AHCYL1: variants seen among roughly 807,000 people sequenced by gnomAD.
The protein encoded by AHCYL1 is adenosylhomocysteinase like 1.
AHCYL1 carries 20 observed loss-of-function variants against 79.3 expected under a neutral mutation model. The observed-to-expected ratio is 0.25, with a 90% CI of 0.18 to 0.37. AHCYL1 has a LOEUF of 0.37. AHCYL1 is among the 10% of genes least tolerant of loss of function. The pLI is 1.00. For synonymous variants in AHCYL1, 223 were observed against 242.2 expected (o/e 0.92, Z 0.74); for missense variants, 330 against 673.6 (o/e 0.49, Z 5.65).
intron 1 of AHCYL1, among the ~76,000 whole-genome samples, chr1:109,993,683 A>G (rs1649880275): frequency 6.6e-6 from 1 of 152,234 alleles, no homozygotes; most frequent in African/African-American, 2.4e-5. Context: ...CAGGGAGAAG[A>G]CATCTGAATA....
intron 1 of AHCYL1, chr1:110,001,107 G>A (rs539021497): frequency 3.3e-6 from 1 of 301,036 alleles, no homozygotes; most frequent in African/African-American, 2.3e-5. Flanking sequence ...CAACAAAAAT[G>A]GTTTGTAAAA....
intron 1 of AHCYL1, among the ~76,000 whole-genome samples, chr1:110,007,057 A>G (rs1650699564): frequency 6.6e-6 from 1 of 152,078 alleles, no homozygotes; most frequent in Admixed American, 6.5e-5. Flanking sequence ...TATAAGGGGA[A>G]ATTATGACTA....
chr1:110,001,447 A>G (rs1268157504), intron 1 of AHCYL1, among the ~76,000 whole-genome samples: 2 of 152,108 alleles, frequency 1.3e-5, no homozygotes, highest in East Asian at 1.9e-4. Context: ...CGACCTCCCA[A>G]AGTGCTGGGA....
chr1:110,020,937 G>C (rs1651754505), intron 16 of AHCYL1, 86 bp downstream of exon 16: 7 of 1,514,026 alleles, frequency 4.6e-6, no homozygotes, highest in Admixed American at 2.3e-5. Context: ...AAGATCAAAT[G>C]TTGTACCTGA....
rs988750206 is a variant in AHCYL1, at chr1:110,011,216, G to A, written c.235G>A (p.Ala79Thr). 4 of 1,613,104 alleles carry A rather than the reference G, an allele frequency of 2.5e-6. No homozygotes were observed. In the African/African-American group the frequency reaches 5.3e-5, roughly 22 times the overall value. ...GTTTTTTTCTTTCCTGGCTCTAGCT[G>A]CATCCTACACAGATAGCTCTGATGA... is the stretch of plus-strand genomic sequence containing the variant. Reference protein sequence around the residue: ...QSSTDSYSSAASYTDSSDDEV... With the variant: ...QSSTDSYSSATSYTDSSDDEV... Residue 79 changes from alanine to threonine, a missense_variant and splice_region_variant, in exon 3 of 17, where the codon GCA (alanine) becomes ACA (threonine). This residue lies in a region of AHCYL1 where 97 missense variants were observed against 176.3 expected (regional missense o/e 0.55). Coordinates refer to ENST00000369799, the MANE Select transcript of AHCYL1 (RefSeq NM_006621.7).
intron 1 of AHCYL1, among the ~76,000 whole-genome samples, chr1:110,007,333 A>G (rs1650719616): frequency 6.6e-6 from 1 of 152,146 alleles, no homozygotes; most frequent in East Asian, 1.9e-4. Context: ...GGAGAGTGTT[A>G]AGAGGGGTTG....
intron 1 of AHCYL1, among the ~76,000 whole-genome samples, chr1:109,992,372 T>C (rs182457835): frequency 1.1e-3 from 160 of 143,470 alleles, no homozygotes; most frequent in African/African-American, 3.9e-3. Context: ...ATCGCACCAC[T>C]GTACTCCAGC....
At chr1:110,014,985 G>GCAA in intron 6 of AHCYL1, 128 bp downstream of exon 6, 1 of 837,224 alleles carries the variant, frequency 1.2e-6, no homozygotes, top group Non-Finnish European at 1.9e-6. Context: ...AAAGTGTTTA[G>GCAA]CTTGATACCT....
intron 1 of AHCYL1, among the ~76,000 whole-genome samples, chr1:109,989,352 G>A (rs1649635399): frequency 6.6e-6 from 1 of 152,056 alleles, no homozygotes; most frequent in Admixed American, 6.6e-5. Flanking sequence ...GATCCAGAGT[G>A]TTTTACCCAA....
At chr1:110,020,701 T>G (rs987845723) in intron 15 of AHCYL1, 30 bp from the exon 16 acceptor site, 1 of 1,563,866 alleles carries the variant, frequency 6.4e-7, no homozygotes, top group Non-Finnish European at 8.6e-7. Context: ...TGAAAAGGAG[T>G]CTGCTCTCCT....
chr1:110,018,713 G>C (rs1472196243), intron 13 of AHCYL1, 63 bp downstream of exon 13: 1 of 1,408,930 alleles, frequency 7.1e-7, no homozygotes. Context: ...TATGAGGGGG[G>C]AGGGGAGGGA....
At position 110,012,877 on chromosome 1, in the gene AHCYL1, C is replaced by T. The variant is rs763187850; in HGVS notation, c.478-20C>T. On this transcript the variant is annotated intron_variant, in intron 4 of 16. Coordinates refer to ENST00000369799, the MANE Select transcript of AHCYL1 (RefSeq NM_006621.7). ...GTGGCCCTTCTCTTCCTCACCCTGT[C>T]TTCCTACACTTCTACACAGGTGTTG... 3.8e-6 allele frequency: 6 copies of T among 1,593,414 alleles called. No individual in the cohort carries two copies. The highest frequency in any genetic ancestry group is 4.3e-6 in the Non-Finnish European group (5 of 1,170,688).
chr1:110,018,793 C>CA, intron 13 of AHCYL1, 143 bp downstream of exon 13: 2 of 870,008 alleles, frequency 2.3e-6, no homozygotes, highest in Non-Finnish European at 3.5e-6. Context: ...AATTGGTCCC[C>CA]AAAATAAAAC....
chr1:110,013,802 C>CTTTTTTT (rs151045613), intron 5 of AHCYL1, among the ~76,000 whole-genome samples: 1 of 142,170 alleles, frequency 7.0e-6, no homozygotes. Context: ...ATCTTTCTTT[C>CTTTTTTT]TTTTTTTTTT....
rs756700510 is a variant in AHCYL1, at chr1:110,014,823, G to T, written c.641G>T (p.Arg214Leu). The T allele has an allele frequency of 5.0e-6, 8 of 1,614,208 alleles. No homozygotes were observed. Among genetic ancestry groups the T allele is most frequent in the Non-Finnish European group, 6.8e-6 (8 of 1,180,016 alleles). The stretch of plus-strand genomic sequence containing the variant: ...GATGACTTCTGGTGGTGTATTGACC[G>T]CTGTGTGAACATGGATGGGTGGCAG... Reference protein sequence around the residue: ...SEDDFWWCIDRCVNMDGWQAN... With the variant: ...SEDDFWWCIDLCVNMDGWQAN... Residue 214 changes from arginine to leucine, a missense_variant, in exon 6 of 17, where the codon CGC becomes CTC. This residue lies in a region of AHCYL1 where 25 missense variants were observed against 27.7 expected (regional missense o/e 0.90). Transcript: ENST00000369799.
intron 1 of AHCYL1, chr1:109,985,413 A>T (rs1304211692): frequency 8.0e-7 from 1 of 1,247,718 alleles, no homozygotes; most frequent in Non-Finnish European, 1.0e-6. Flanking sequence ...CGACAGGGCC[A>T]GGCCTTAAAT....
intron 16 of AHCYL1, among the ~76,000 whole-genome samples, chr1:110,021,278 A>T (rs551022262): frequency 6.6e-6 from 1 of 152,214 alleles, no homozygotes; most frequent in Non-Finnish European, 1.5e-5. Flanking sequence ...GTTCCAGTTA[A>T]CAAGGTAGAT....
chr1:110,004,156 A>G, intron 1 of AHCYL1: 2 of 985,492 alleles, frequency 2.0e-6, no homozygotes, highest in Non-Finnish European at 2.4e-6. Flanking sequence ...ATTGGATTCT[A>G]GCTGTGTGTG....
rs1430020593 is a variant in AHCYL1 at position 110,005,428 on chromosome 1, G to T, written c.121-3606G>T. ...TGGAGCAGTGAAATTCCATGCCAAA[G>T]CCACTTACATTACTATACTGTGGGT... On this transcript the variant is annotated intron_variant, in intron 1 of 16. Coordinates refer to ENST00000369799, the MANE Select transcript of AHCYL1 (RefSeq NM_006621.7). Among the ~76,000 whole-genome samples the T allele has an allele frequency of 2.6e-5, 4 of 152,302 alleles. No individual in the cohort carries two copies. The East Asian group carries it at 7.7e-4, about 29-fold the overall frequency.
Sources: allele counts gnomAD v4.1 joint callset (sites outside exome capture counted in the v4.1 genomes callset), GRCh38; gene constraint gnomAD v4.1.1; regional missense constraint gnomAD v4.1.1; transcripts MANE v1.5; gene names NCBI Gene and HGNC (gene_info 2026-07-23, HGNC 2026-07-21).